The following CDH4 variants were observed in gnomAD, a reference collection of about 807,000 sequenced individuals.
CDH4 encodes cadherin-4.
In CDH4, 33 loss-of-function variants were observed where a neutral mutation model predicts 86.0. The observed-to-expected ratio is 0.38, with a 90% CI of 0.29 to 0.51. The LOEUF (loss-of-function observed/expected upper bound fraction) is 0.51, where lower values mean the gene tolerates loss of function less well. CDH4 is among the 20% of genes least tolerant of loss of function. CDH4 has a pLI of 0.86. For missense variants in CDH4, 1,114 were observed against 1,307.4 expected (o/e 0.85, Z 2.28); for synonymous variants, 555 against 549.4 (o/e 1.01, Z -0.14).
intron 2 of CDH4, among the ~76,000 whole-genome samples, chr20:61,476,378 T>C (rs1172272410): frequency 3.3e-5 from 5 of 152,240 alleles, no homozygotes; most frequent in African/African-American, 1.2e-4. Context: ...TGTGTGCCCG[T>C]GTGTGTGCAC....
intron 4 of CDH4, among the ~76,000 whole-genome samples, chr20:61,839,191 GA>G (rs2146092952): frequency 6.6e-6 from 1 of 152,350 alleles, no homozygotes; most frequent in African/African-American, 2.4e-5. Context: ...GCTGGGACAG[GA>G]ACCAAGGGAG....
At chr20:61,587,418 T>C (rs2086486691) in intron 2 of CDH4, among the ~76,000 whole-genome samples, 1 of 152,164 alleles carries the variant, frequency 6.6e-6, no homozygotes, top group Admixed American at 6.5e-5. Context: ...CTGCTGGATT[T>C]TAAAATTAGT....
intron 2 of CDH4, among the ~76,000 whole-genome samples, chr20:61,733,812 C>T (rs1275292053): frequency 6.6e-6 from 1 of 152,226 alleles, no homozygotes; most frequent in Non-Finnish European, 1.5e-5. Flanking sequence ...ACGGTCCCAG[C>T]TACAAGCTCA....
At chr20:61,456,059 G>A (rs1443258172) in intron 2 of CDH4, among the ~76,000 whole-genome samples, 1 of 151,976 alleles carries the variant, frequency 6.6e-6, no homozygotes, top group Non-Finnish European at 1.5e-5. Flanking sequence ...AGGAAGGAAA[G>A]AGAGAGGGAT....
intron 2 of CDH4, among the ~76,000 whole-genome samples, chr20:61,346,468 G>A (rs1318516476): frequency 6.6e-6 from 1 of 152,032 alleles, no homozygotes; most frequent in Non-Finnish European, 1.5e-5. Flanking sequence ...TGCTGACCGG[G>A]CATGGTGGCT....
At chr20:61,591,096 GATAAGTACCAGGGCTGGACCTACTA>G (rs1295253169) in intron 2 of CDH4, among the ~76,000 whole-genome samples, 1 of 152,098 alleles carries the variant, frequency 6.6e-6, no homozygotes, top group African/African-American at 2.4e-5. Flanking sequence ...TGGATCCATT[GATAAGTACCAGGGCTGGACCTACTA>G]ATAAGTACCA....
intron 2 of CDH4, among the ~76,000 whole-genome samples, chr20:61,649,153 C>G (rs983467531): frequency 6.6e-6 from 1 of 152,234 alleles, no homozygotes; most frequent in Non-Finnish European, 1.5e-5. Context: ...CACCTGCACA[C>G]GTGTGTCTGC....
intron 2 of CDH4, among the ~76,000 whole-genome samples, chr20:61,397,328 G>T (rs2085023326): frequency 1.3e-5 from 2 of 152,036 alleles, no homozygotes; most frequent in Admixed American, 1.3e-4. Context: ...GCAGGAGGGG[G>T]TCCTGGTCTT....
intron 4 of CDH4, among the ~76,000 whole-genome samples, chr20:61,830,163 G>A (rs938521023): frequency 2.3e-4 from 22 of 94,504 alleles, no homozygotes; most frequent in South Asian, 8.2e-4. Context: ...GGAGCCCCCC[G>A]CCCCCAGGTG....
chr20:61,619,688 T>C (rs950182377), intron 2 of CDH4, among the ~76,000 whole-genome samples: 2 of 152,204 alleles, frequency 1.3e-5, no homozygotes, highest in Non-Finnish European at 2.9e-5. Flanking sequence ...GTGGTGACTA[T>C]GTCAAGCCGT....
rs575022784 is a variant in CDH4 at position 61,599,802 on chromosome 20, T to C, written c.170-143761T>C. 6.1e-6 allele frequency: 6 copies of C among 985,832 alleles called. No individual in the cohort carries two copies. In the East Asian group the frequency reaches 5.7e-4, roughly 93 times the overall value. 61.1% of individuals were successfully genotyped at this position (985,832 alleles called of 1,614,324 possible). On this transcript the variant is annotated intron_variant, in intron 2 of 15. Coordinates refer to ENST00000614565, the MANE Select transcript of CDH4 (RefSeq NM_001794.5). ...TTTCTTCTTTCTCCCTCTGCCTTAA[T>C]GATGCTGCCCCTTTCCTGTTCCTGG... is the stretch of plus-strand genomic sequence containing the variant.
intron 2 of CDH4, among the ~76,000 whole-genome samples, chr20:61,637,220 C>T (rs564917151): frequency 4.6e-5 from 7 of 152,302 alleles, no homozygotes; most frequent in Non-Finnish European, 7.3e-5. Context: ...GAAAGGGGCA[C>T]GAGGAAGCTA....
intron 2 of CDH4, among the ~76,000 whole-genome samples, chr20:61,382,682 C>A (rs898711647): frequency 2.0e-5 from 3 of 152,176 alleles, no homozygotes; most frequent in Non-Finnish European, 4.4e-5. Flanking sequence ...TCACGTCTTC[C>A]AGCCTTGGGC....
At chr20:61,661,425 A>G (rs2087255989) in intron 2 of CDH4, among the ~76,000 whole-genome samples, 1 of 150,876 alleles carries the variant, frequency 6.6e-6, no homozygotes, top group Non-Finnish European at 1.5e-5. Flanking sequence ...TGTTAGAACA[A>G]GGTGGTGCTC....
At chr20:61,860,919 C>G (rs1277683233) in intron 6 of CDH4, among the ~76,000 whole-genome samples, 1 of 152,208 alleles carries the variant, frequency 6.6e-6, no homozygotes, top group East Asian at 1.9e-4. Flanking sequence ...CAGAGAAGTA[C>G]CCGGGGGACC....
chr20:61,253,657 C>A (rs1185729709), intron 1 of CDH4, among the ~76,000 whole-genome samples: 1 of 152,164 alleles, frequency 6.6e-6, no homozygotes, highest in African/African-American at 2.4e-5. Flanking sequence ...GCTTCGTGGC[C>A]GATGAAGAAA....
At chr20:61,305,793 G>A (rs2084413858) in intron 2 of CDH4, among the ~76,000 whole-genome samples, 1 of 152,194 alleles carries the variant, frequency 6.6e-6, no homozygotes, top group East Asian at 1.9e-4. Flanking sequence ...ATCACAAATG[G>A]ATTTGGCAAA....
chr20:61,615,891 C>G lies in CDH4; in HGVS notation c.170-127672C>G, dbSNP rs1234083288. Among the ~76,000 whole-genome samples, 7 of 152,302 alleles carry G rather than the reference C, an allele frequency of 4.6e-5. No homozygotes were observed. The East Asian group carries it at 1.3e-3, about 29-fold the overall frequency. On this transcript the variant is annotated intron_variant, in intron 2 of 15. Transcript: ENST00000614565. ...CATTATCATCATTTTGGTCAAATGC[C>G]TTCGGTGGGGTCAGCCTCGCTGCTG...
At chr20:61,459,798 A>G (rs1313190505) in intron 2 of CDH4, among the ~76,000 whole-genome samples, 1 of 152,012 alleles carries the variant, frequency 6.6e-6, no homozygotes, top group Non-Finnish European at 1.5e-5. Context: ...CCAGGCTCAC[A>G]TGAGCGCTTC....
Sources: gnomAD v4.1 joint callset for allele counts (sites outside exome capture counted in the v4.1 genomes callset) on GRCh38, gnomAD v4.1.1 for gene constraint, MANE v1.5 for transcripts, NCBI Gene and HGNC (gene_info 2026-07-23, HGNC 2026-07-21) for gene names.